DDX1: variants seen among roughly 807,000 people sequenced by gnomAD.
DDX1 encodes the protein DEAD-box helicase 1.
In DDX1, 28 loss-of-function variants were observed where a neutral mutation model predicts 108.7. The observed-to-expected ratio is 0.26, with a 90% confidence interval of 0.19 to 0.35. The LOEUF (loss-of-function observed/expected upper bound fraction) is 0.35, where lower values mean the gene tolerates loss of function less well. DDX1 is among the 10% of genes least tolerant of loss of function. The pLI, the probability that DDX1 is intolerant of heterozygous loss-of-function variation, is 1.00. For missense variants in DDX1, 710 were observed against 884.5 expected (o/e 0.80, Z 2.50); for synonymous variants, 295 against 288.9 (o/e 1.02, Z -0.21).
intron 14 of DDX1, among the ~76,000 whole-genome samples, chr2:15,614,526 G>A (rs898637594): frequency 4.6e-5 from 7 of 152,138 alleles, no homozygotes; most frequent in South Asian, 2.1e-4. Context: ...ATTGGAAGGC[G>A]GGGGCTTTTA....
intron 6 of DDX1, among the ~76,000 whole-genome samples, 164 bp from the exon 7 acceptor site, chr2:15,602,384 A>G (rs996801263): frequency 4.6e-5 from 7 of 152,200 alleles, no homozygotes; most frequent in African/African-American, 1.4e-4. Context: ...AAATACTACT[A>G]TCACTCAGGA....
At chr2:15,612,164 C>T (rs1447231118) in intron 13 of DDX1, among the ~76,000 whole-genome samples, 7 of 148,818 alleles carry the variant, frequency 4.7e-5, no homozygotes, top group African/African-American at 7.5e-5. Context: ...CCCTCCTGGA[C>T]GGGGCGGCTG....
chr2:15,592,607 A>G (rs1007686493), intron 1 of DDX1, among the ~76,000 whole-genome samples: 4 of 152,130 alleles, frequency 2.6e-5, no homozygotes, highest in African/African-American at 7.2e-5. Flanking sequence ...TTTATTCCAA[A>G]TATGATTTGA....
At chr2:15,603,093 T>C in intron 7 of DDX1, 99 bp from the exon 8 acceptor site, 1 of 772,642 alleles carries the variant, frequency 1.3e-6, no homozygotes. Context: ...CTTCATTTGG[T>C]ACATACCTGT....
In DDX1 at chr2:15,625,157, T is replaced by C. The variant is rs182915913; in HGVS notation, c.1594+1575T>C. 8.7e-4 allele frequency among the ~76,000 whole-genome samples: 133 copies of C among 152,234 alleles called. 1 individual carries two copies. In the Middle Eastern group the frequency reaches 0.01, roughly 12 times the overall value. Reference sequence around the variant, plus strand: ...TTTCCTTGCTGAGTAAACACAGCAATGATGGATGAATCTCAGAAACCTTAT... The same window carrying C: ...TTTCCTTGCTGAGTAAACACAGCAACGATGGATGAATCTCAGAAACCTTAT... On this transcript the variant is annotated intron_variant, in intron 19 of 25. Transcript: ENST00000233084.
At chr2:15,605,370 C>T (rs1665645794) in intron 10 of DDX1, among the ~76,000 whole-genome samples, 1 of 152,120 alleles carries the variant, frequency 6.6e-6, no homozygotes, top group Non-Finnish European at 1.5e-5. Context: ...ATGGGTCCTA[C>T]AGTCCTGGTG....
chr2:15,593,960 C>T (rs1441319192), intron 1 of DDX1, among the ~76,000 whole-genome samples: 2 of 151,936 alleles, frequency 1.3e-5, no homozygotes, highest in African/African-American at 2.4e-5. Context: ...CGCCTGTAGC[C>T]CCAGCTCCTC....
intron 19 of DDX1, among the ~76,000 whole-genome samples, chr2:15,625,449 A>G (rs1303819725): frequency 6.6e-6 from 1 of 152,128 alleles, no homozygotes; most frequent in African/African-American, 2.4e-5. Flanking sequence ...AAAAGAAAAA[A>G]CTAAACAAAT....
chr2:15,595,320 T>G, intron 2 of DDX1, 124 bp downstream of exon 2: 1 of 985,026 alleles, frequency 1.0e-6, no homozygotes, highest in Non-Finnish European at 1.5e-6. Flanking sequence ...TTTTTGTGAT[T>G]TTCTAAATTA....
In DDX1 at chr2:15,613,263, GCT is replaced by G. The variant is rs1665832793; in HGVS notation, c.1001_1002del (p.Ser334CysfsTer18). The stretch of plus-strand genomic sequence containing the variant: ...TTGGAGGTGTTGCAGCCCGGGATCA[GCT>G]CTCTGTTTTGGAAAATGGAGTAAGT... Reference protein sequence around the residue: ...IIGGVAARDQLSVLENGVDIV... With the variant: ...IIGGVAARDQXSVLENGVDIV... On this transcript the variant is annotated frameshift_variant, in exon 14 of 26. Transcript: ENST00000233084. LOFTEE classifies it high-confidence loss of function. The G allele has an allele frequency of 6.2e-7, 1 of 1,606,550 alleles. No individual in the cohort carries two copies. The highest frequency in any genetic ancestry group is 8.5e-7 in the Non-Finnish European group (1 of 1,176,900).
intron 1 of DDX1, among the ~76,000 whole-genome samples, chr2:15,593,951 G>A (rs113025497): frequency 2.0e-5 from 3 of 152,188 alleles, no homozygotes; most frequent in African/African-American, 4.8e-5. Flanking sequence ...GGTGGCATGC[G>A]CCTGTAGCCC....
At chr2:15,609,823 A>G (rs1665724491) in intron 13 of DDX1, among the ~76,000 whole-genome samples, 1 of 152,234 alleles carries the variant, frequency 6.6e-6, no homozygotes, top group Non-Finnish European at 1.5e-5. Context: ...TATAAAATGT[A>G]TTGGTTCCCT....
At chr2:15,608,904 T>G (rs1393825472) in intron 13 of DDX1, among the ~76,000 whole-genome samples, 1 of 152,216 alleles carries the variant, frequency 6.6e-6, no homozygotes, top group Non-Finnish European at 1.5e-5. Context: ...AGGGATAAAT[T>G]ATGTAAAATA....
Position 15,617,286 on chromosome 2 carries a change from G to T in DDX1, c.1060G>T (p.Val354Leu). The T allele has an allele frequency of 6.3e-7, 1 of 1,594,232 alleles. No homozygotes were observed. The highest frequency in any genetic ancestry group is 8.6e-7 in the Non-Finnish European group (1 of 1,168,206). Residue 354 changes from valine to leucine, a missense_variant, in exon 15 of 26, where the codon GTG (valine) becomes TTG (leucine). Transcript: ENST00000233084. ...TACTCCGGGAAGACTAGATGACTTG[G>T]TGTCAACTGGAAAGCTGAACTTATC... ...VGTPGRLDDL[V>L]STGKLNLSQV...
Position 15,591,911 on chromosome 2 carries a change from A to G in DDX1, c.-23A>G. The G allele has an allele frequency of 6.8e-7, 1 of 1,463,432 alleles. No homozygotes were observed. Among genetic ancestry groups the G allele is most frequent in the Non-Finnish European group, 9.0e-7 (1 of 1,107,240 alleles). 90.7% of individuals were successfully genotyped at this position (1,463,432 alleles called of 1,614,324 possible). A position where few individuals can be genotyped will look rare whatever the true frequency, so the allele number is the denominator to read the frequency against. On this transcript the variant is annotated 5_prime_UTR_variant, in exon 1 of 26. Coordinates refer to ENST00000233084, the MANE Select transcript of DDX1 (RefSeq NM_004939.3). ...TCGGGAGGGAGGGAGCGAGCAGGCGAAGCCGCGGAGGACGGGGTGAAGATG... is the reference window on the plus strand; with the variant it reads ...TCGGGAGGGAGGGAGCGAGCAGGCGGAGCCGCGGAGGACGGGGTGAAGATG...
intron 13 of DDX1, among the ~76,000 whole-genome samples, chr2:15,611,037 C>A (rs1402451516): frequency 6.7e-6 from 1 of 149,912 alleles, no homozygotes; most frequent in Non-Finnish European, 1.5e-5. Context: ...TGCGGCCTTC[C>A]GCAGTGTTTG....
intron 6 of DDX1, 39 bp downstream of exon 6, chr2:15,599,755 A>G (rs1024349504): frequency 6.8e-7 from 1 of 1,467,364 alleles, no homozygotes; most frequent in Non-Finnish European, 9.4e-7. Flanking sequence ...TTTGTAATTC[A>G]GAAACTTTAA....
chr2:15,615,479 C>T (rs1665878356), intron 14 of DDX1, among the ~76,000 whole-genome samples: 1 of 152,192 alleles, frequency 6.6e-6, no homozygotes, highest in Admixed American at 6.5e-5. Context: ...GTGTTTGGCA[C>T]ATAGTAGATT....
chr2:15,597,436 A>G lies in DDX1; in HGVS notation c.224A>G (p.Lys75Arg). The G allele has an allele frequency of 6.2e-7, 1 of 1,608,938 alleles. No homozygotes were observed. Among genetic ancestry groups the G allele is most frequent in the Non-Finnish European group, 8.5e-7 (1 of 1,178,160 alleles). The change falls in exon 5 of 26, where the codon AAA becomes AGA. Residue 75 changes from lysine (K) to arginine (R), a missense_variant. Transcript: ENST00000233084. ...ACTCTGAAAGACCAACAGGAAGGCA[A>G]AAAAGGAAAAACAACAATTAAAACT... The part of the protein sequence containing the change: ...YETLKDQQEG[K>R]KGKTTIKTGA...
Sources: allele counts gnomAD v4.1 joint callset (sites outside exome capture counted in the v4.1 genomes callset), GRCh38; gene constraint gnomAD v4.1.1; transcripts MANE v1.5; gene names NCBI Gene and HGNC (gene_info 2026-07-23, HGNC 2026-07-21).